Variants in RCC1L observed in about 807,000 individuals in gnomAD.
The protein encoded by RCC1L is RCC1-like G exchanging factor-like protein.
A neutral mutation model predicts 58.6 loss-of-function variants in RCC1L; 46 were observed. The ratio of observed to expected loss-of-function variants is 0.79; its 90% CI spans 0.62 to 1.00. RCC1L has a LOEUF of 1.00. Among genes scored for constraint, RCC1L ranks in the 50% least tolerant of loss-of-function variants. The probability of loss-of-function intolerance (pLI) is 0.00; values close to 1 mark genes in which losing one functional copy is unlikely to be tolerated. For missense variants in RCC1L, 636 were observed against 623.6 expected (o/e 1.02, Z -0.21); for synonymous variants, 281 against 262.9 (o/e 1.07, Z -0.67).
rs587770492 is a variant in RCC1L at position 75,052,800 on chromosome 7, C to G, written c.1232-4G>C. 1.6e-5 allele frequency: 26 copies of G among 1,612,070 alleles called. No individual in the cohort carries two copies. In the East Asian group the frequency reaches 5.8e-4, roughly 36 times the overall value. On this transcript the variant is annotated splice_polypyrimidine_tract_variant and splice_region_variant and intron_variant, in intron 9 of 10. Coordinates refer to ENST00000610322, the MANE Select transcript of RCC1L (RefSeq NM_030798.5). ...CATACAAACAGCTCTCCTTTGTCTG[C>G]AAAGGGAGGAAAACAGGGGTTGGTT...
At chr7:75,040,497 T>G (rs1272407020), downstream of RCC1L, among the ~76,000 whole-genome samples, 2 of 152,014 alleles carry the variant, frequency 1.3e-5, no homozygotes, top group South Asian at 2.1e-4. Flanking sequence ...TAGATCTGTA[T>G]CTTGGTTGCC....
chr7:75,041,948 T>C (rs2131975305), downstream of RCC1L, among the ~76,000 whole-genome samples: 1 of 151,968 alleles, frequency 6.6e-6, no homozygotes, highest in African/African-American at 2.4e-5. Flanking sequence ...TTGAGCACGG[T>C]AGCTCACACC....
At chr7:75,057,409 G>T in intron 8 of RCC1L, 120 bp downstream of exon 8, 1 of 969,462 alleles carries the variant, frequency 1.0e-6, no homozygotes, top group Non-Finnish European at 1.6e-6. Context: ...GAGCCACCGC[G>T]CCCAGCCATG....
In RCC1L at chr7:75,061,279, G is replaced by A; in HGVS notation, c.715C>T (p.Gln239Ter). The stretch of plus-strand genomic sequence containing the variant: ...TCCGTCAGGAACAGACTATGATCCT[G>A]ACCACAGGCGACCTAGCAGACAAAC... ...DGQVVQVACG[Q>*]DHSLFLTDKG... is the part of the protein sequence containing the mutation. Residue 239 changes from glutamine to a stop codon, truncating the protein, a stop_gained, in exon 6 of 11, where the codon CAG (glutamine) becomes TAG (stop). Coordinates refer to ENST00000610322, the MANE Select transcript of RCC1L (RefSeq NM_030798.5). LOFTEE classifies it high-confidence loss of function. The A allele has an allele frequency of 6.2e-7, 1 of 1,613,624 alleles. No individual in the cohort carries two copies. Among genetic ancestry groups the A allele is most frequent in the Non-Finnish European group, 8.5e-7 (1 of 1,179,746 alleles).
chr7:75,072,006 G>A lies in RCC1L; in HGVS notation c.325-1237C>T, dbSNP rs1208562230. 2.0e-5 allele frequency among the ~76,000 whole-genome samples: 3 copies of A among 149,782 alleles called. No homozygotes were observed. In the Admixed American group the frequency reaches 2.0e-4, roughly 10 times the overall value. On this transcript the variant is annotated intron_variant, in intron 1 of 10. Coordinates refer to ENST00000610322, the MANE Select transcript of RCC1L (RefSeq NM_030798.5). ...AGCTACATGGGAGGCTGAAGCAGGA[G>A]GATCACTTGAATCCAGGAGGTCGAG...
rs1454879623 is a variant in RCC1L, at chr7:75,028,068, T to C, written c.1329A>G (p.Pro443=). The C allele has an allele frequency of 2.8e-5, 43 of 1,532,582 alleles. No individual in the cohort carries two copies. The South Asian group carries it at 5.1e-4, about 18-fold the overall frequency. The allele number at this position is 1,532,582 out of a possible 1,614,324, so 94.9% of individuals were successfully genotyped here. ...GGCCTGTTGTCTTGGCGCTGGCGGA[T>C]GGGGCAGGTGCCTGGCGGGGGAGGA... Residue 443 remains proline, a synonymous_variant, in exon 11 of 11, where the codon CCA becomes CCG. Coordinates refer to the RCC1L transcript ENST00000614461.
downstream of RCC1L, among the ~76,000 whole-genome samples, chr7:75,041,163 G>A (rs1192998808): frequency 3.9e-5 from 6 of 151,998 alleles, no homozygotes; most frequent in Non-Finnish European, 8.8e-5. Flanking sequence ...GCAGTGAGCC[G>A]AGATCGCGCC....
chr7:75,049,668 CA>C (rs1243232492), intron 10 of RCC1L, among the ~76,000 whole-genome samples: 13,987 of 128,470 alleles, frequency 0.11, 1,700 homozygotes, highest in African/African-American at 0.32. Context: ...ACCCTGTTTT[CA>C]AAAAAAAAAA....
chr7:75,058,610 G>C lies in RCC1L; in HGVS notation c.947C>G (p.Ala316Gly). 3 of 1,609,010 alleles carry C rather than the reference G, an allele frequency of 1.9e-6. No individual in the cohort carries two copies. In the South Asian group the frequency reaches 3.3e-5, roughly 18 times the overall value. ...GWGNSEYLQL[A>G]SVTDSTQVNV... ...TACCTGTGTGGAGTCAGTGACAGAG[G>C]CCAGCTGCAGGTACTCCGAGTTTCC... The change falls in exon 7 of 11, where the codon GCC (alanine) becomes GGC (glycine). Residue 316 changes from alanine to glycine, a missense_variant. By Grantham distance (60) the Ala-to-Gly change is moderately conservative (BLOSUM62 0). Coordinates refer to ENST00000610322, the MANE Select transcript of RCC1L (RefSeq NM_030798.5).
chr7:75,034,637 T>C (rs1243054814), intron 10 of RCC1L, among the ~76,000 whole-genome samples: 2 of 152,176 alleles, frequency 1.3e-5, no homozygotes, highest in East Asian at 1.9e-4. Flanking sequence ...TTCCAACAGA[T>C]GTCTACCCGA....
chr7:75,040,779 T>TA (rs1341654167), downstream of RCC1L, among the ~76,000 whole-genome samples: 4 of 152,136 alleles, frequency 2.6e-5, no homozygotes, highest in African/African-American at 9.7e-5. Context: ...ATTTCAAGTT[T>TA]ATGAGAAAAT....
chr7:75,050,002 G>A (rs1465662511), intron 10 of RCC1L, among the ~76,000 whole-genome samples: 3 of 152,206 alleles, frequency 2.0e-5, no homozygotes, highest in Non-Finnish European at 4.4e-5. Context: ...AGGCCACTCC[G>A]TGCACAAACC....
At chr7:75,057,770 C>G in intron 7 of RCC1L, 154 bp from the exon 8 acceptor site, 1 of 758,342 alleles carries the variant, frequency 1.3e-6, no homozygotes, top group South Asian at 1.5e-5. Context: ...ATACTAGGTG[C>G]TGGGGTAGAA....
chr7:75,056,517 G>T, intron 8 of RCC1L: 2 of 1,506,902 alleles, frequency 1.3e-6, no homozygotes, highest in Non-Finnish European at 1.8e-6. Flanking sequence ...ATGATGTTTT[G>T]GTTATAGAAA....
At chr7:75,044,702 CTTA>C (rs1554442639) in intron 10 of RCC1L, among the ~76,000 whole-genome samples, 2 of 147,928 alleles carry the variant, frequency 1.4e-5, no homozygotes, top group South Asian at 2.2e-4. Flanking sequence ...TAACTGATTT[CTTA>C]TTAACTTTCC....
In RCC1L at chr7:75,055,931, A is replaced by T; in HGVS notation, c.1201T>A (p.Cys401Ser). 1.2e-6 allele frequency: 2 copies of T among 1,613,998 alleles called. No individual in the cohort carries two copies. The highest frequency in any genetic ancestry group is 8.5e-7 in the Non-Finnish European group (1 of 1,179,870). Residue 401 changes from cysteine (C) to serine (S), a missense_variant, in exon 9 of 11, where the codon TGT becomes AGT. Transcript: ENST00000610322. ...AGTGCAGCAAAGTGGCTGAGTCCAC[A>T]TCGGATGCGGGAAACCTGGATTTCT... ...NPEIQVSRIR[C>S]GLSHFAALTN...
At chr7:75,049,942 A>T (rs923726093) in intron 10 of RCC1L, among the ~76,000 whole-genome samples, 1 of 152,256 alleles carries the variant, frequency 6.6e-6, no homozygotes, top group African/African-American at 2.4e-5. Context: ...TAAGTGAGTC[A>T]TCAGAAGGGA....
chr7:75,044,112 G>A (rs1805646595), intron 10 of RCC1L, among the ~76,000 whole-genome samples: 1 of 152,130 alleles, frequency 6.6e-6, no homozygotes, highest in South Asian at 2.1e-4. Context: ...CTGTTGGAAG[G>A]GCGCCCACTG....
downstream of RCC1L, among the ~76,000 whole-genome samples, chr7:75,041,056 A>G (rs936910359): frequency 2.0e-5 from 3 of 152,040 alleles, no homozygotes; most frequent in African/African-American, 7.2e-5. Flanking sequence ...CATCTCTACT[A>G]AAAATACAAA....
Sources: gnomAD v4.1 joint callset for allele counts (sites outside exome capture counted in the v4.1 genomes callset) on GRCh38, gnomAD v4.1.1 for gene constraint, MANE v1.5 for transcripts, NCBI Gene and HGNC (gene_info 2026-07-23, HGNC 2026-07-21) for gene names.